CTSO: variants seen among roughly 807,000 people sequenced by gnomAD.
The protein encoded by CTSO is cathepsin O.
In CTSO, 40 loss-of-function variants were observed where a neutral mutation model predicts 42.4. The observed-to-expected ratio is 0.94, with a 90% CI of 0.73 to 1.23. CTSO has a LOEUF of 1.23. CTSO is among the 50% of genes most tolerant of loss of function. The probability of loss-of-function intolerance (pLI) is 0.00; values close to 1 mark genes in which losing one functional copy is unlikely to be tolerated. For synonymous variants in CTSO, 156 were observed against 146.2 expected (o/e 1.07, Z -0.48); for missense variants, 441 against 396.0 (o/e 1.11, Z -0.96).
intron 5 of CTSO, among the ~76,000 whole-genome samples, chr4:155,931,909 T>C (rs940919209): frequency 2.0e-4 from 31 of 151,924 alleles, no homozygotes; most frequent in African/African-American, 7.0e-4. Flanking sequence ...CTAAATTTTA[T>C]TGTCATCAAG....
intron 1 of CTSO, among the ~76,000 whole-genome samples, chr4:155,950,635 G>A (rs1490735233): frequency 6.6e-6 from 1 of 152,108 alleles, no homozygotes; most frequent in Non-Finnish European, 1.5e-5. Flanking sequence ...CGACCAGGCT[G>A]CACAGCAGGT....
At chr4:155,933,387 C>G (rs908999074) in intron 5 of CTSO, among the ~76,000 whole-genome samples, 1 of 152,108 alleles carries the variant, frequency 6.6e-6, no homozygotes, top group Non-Finnish European at 1.5e-5. Flanking sequence ...TTAAACCTTT[C>G]TCTTCCCAGT....
At chr4:155,952,891 T>C (rs1374012870) in intron 1 of CTSO, among the ~76,000 whole-genome samples, 1 of 152,160 alleles carries the variant, frequency 6.6e-6, no homozygotes, top group Non-Finnish European at 1.5e-5. Context: ...GCATCTTTCA[T>C]GAATTTAAAA....
At chr4:155,928,118 T>C (rs1005781027) in intron 7 of CTSO, among the ~76,000 whole-genome samples, 1 of 152,112 alleles carries the variant, frequency 6.6e-6, no homozygotes, top group Admixed American at 6.5e-5. Context: ...TGTTTTGAGA[T>C]ATATATGTAA....
intron 6 of CTSO, among the ~76,000 whole-genome samples, chr4:155,928,890 C>A (rs996754117): frequency 6.6e-6 from 1 of 152,126 alleles, no homozygotes; most frequent in African/African-American, 2.4e-5. Context: ...TGGGAACAGG[C>A]CCCCCAAATC....
At chr4:155,935,956 G>A (rs1201433802) in intron 5 of CTSO, among the ~76,000 whole-genome samples, 1 of 151,962 alleles carries the variant, frequency 6.6e-6, no homozygotes, top group Non-Finnish European at 1.5e-5. Flanking sequence ...CCTTAATTCA[G>A]ACTAATGCCT....
intron 1 of CTSO, among the ~76,000 whole-genome samples, chr4:155,947,920 GT>G (rs1447848040): frequency 6.6e-6 from 1 of 152,168 alleles, no homozygotes; most frequent in African/African-American, 2.4e-5. Flanking sequence ...AAGACGTAAA[GT>G]TTTGATGAAT....
Position 155,925,964 on chromosome 4 carries a change from T to G in CTSO, c.*72A>C. The stretch of plus-strand genomic sequence containing the variant: ...GCTGAAACTTGAAGTTGAATAATAC[T>G]TTGAAGTACTATGTTACATTGCATT... On this transcript the variant is annotated 3_prime_UTR_variant, in exon 8 of 8. Coordinates refer to ENST00000433477, the MANE Select transcript of CTSO (RefSeq NM_001334.3). The G allele has an allele frequency of 7.7e-7, 1 of 1,290,876 alleles. No homozygotes were observed. The allele number at this position is 1,290,876 out of a possible 1,614,324, so 80.0% of individuals were successfully genotyped here.
intron 1 of CTSO, among the ~76,000 whole-genome samples, chr4:155,948,648 A>T (rs1256234182): frequency 6.6e-6 from 1 of 152,222 alleles, no homozygotes; most frequent in African/African-American, 2.4e-5. Context: ...GACCTGAACC[A>T]GTCTCATGAG....
rs34103300 is a variant in CTSO at position 155,940,927 on chromosome 4, TAA to T, written c.384+1388_384+1389del. On this transcript the variant is annotated intron_variant, in intron 3 of 7. Coordinates refer to ENST00000433477, the MANE Select transcript of CTSO (RefSeq NM_001334.3). ...TCAAGCCACAAGGGCAGTTCCTGCT[TAA>T]AAAAAAAAAAAAGTCTCTCATACAT... is the stretch of plus-strand genomic sequence containing the variant. Among the ~76,000 whole-genome samples, 968 of 146,222 alleles carry T rather than the reference TAA, an allele frequency of 6.6e-3. 5 individuals carry two copies. The highest frequency in any genetic ancestry group is 0.02 in the African/African-American group (783 of 39,286).
intron 5 of CTSO, among the ~76,000 whole-genome samples, chr4:155,935,978 GCTT>G (rs558830036): frequency 5.5e-4 from 84 of 151,952 alleles, no homozygotes; most frequent in African/African-American, 1.9e-3. Flanking sequence ...TTATTCTTTT[GCTT>G]CTTCTTAATT....
rs1743090006 is a variant in CTSO at position 155,924,217 on chromosome 4, C to T, written c.*1819G>A. On this transcript the variant is annotated 3_prime_UTR_variant, in exon 8 of 8. Coordinates refer to ENST00000433477, the MANE Select transcript of CTSO (RefSeq NM_001334.3). ...TTAATCAGTTTGAAATTTTAGAAAT[C>T]CTTTAGCACTTGAAAAAGAGTATTA... The T allele has an allele frequency of 6.6e-6, 1 of 152,084 alleles. No individual in the cohort carries two copies. The highest frequency in any genetic ancestry group is 6.6e-5 in the Admixed American group (1 of 15,264). 9.4% of individuals were successfully genotyped at this position (152,084 alleles called of 1,614,324 possible).
At chr4:155,937,677 C>A (rs907854319) in intron 4 of CTSO, among the ~76,000 whole-genome samples, 194 bp from the exon 5 acceptor site, 1 of 151,818 alleles carries the variant, frequency 6.6e-6, no homozygotes, top group African/African-American at 2.4e-5. Context: ...TGCAGTGGCT[C>A]GATCTCGTCT....
chr4:155,939,430 A>G lies in CTSO; in HGVS notation c.493T>C (p.Tyr165His). The G allele has an allele frequency of 6.2e-7, 1 of 1,614,184 alleles. No homozygotes were observed. The highest frequency in any genetic ancestry group is 1.6e-4 in the Middle Eastern group (1 of 6,062). The change falls in exon 4 of 8, where the codon TAT (tyrosine) becomes CAT (histidine). Residue 165 changes from tyrosine (Y) to histidine (H), a missense_variant. Coordinates refer to ENST00000433477, the MANE Select transcript of CTSO (RefSeq NM_001334.3). ...LSVQQVIDCS[Y>H]NNYGCNGGST... ...CCTCCATTGCAGCCATAATTATTAT[A>G]CGAACAGTCAATGACCTGCTGGACA...
intron 4 of CTSO, among the ~76,000 whole-genome samples, chr4:155,938,503 C>T (rs75372172): frequency 0.068 from 10,348 of 152,194 alleles, 500 homozygotes; most frequent in South Asian, 0.17. Flanking sequence ...GTGCTAAGAA[C>T]GCTGAGGGAC....
chr4:155,929,791 A>G (rs894694396), intron 5 of CTSO, 86 bp from the exon 6 acceptor site: 8 of 1,317,868 alleles, frequency 6.1e-6, no homozygotes, highest in Non-Finnish European at 8.2e-6. Flanking sequence ...TATGATTCTG[A>G]GTAGGTTTGG....
intron 3 of CTSO, among the ~76,000 whole-genome samples, chr4:155,940,182 T>C (rs1743403528): frequency 6.6e-6 from 1 of 152,208 alleles, no homozygotes; most frequent in African/African-American, 2.4e-5. Flanking sequence ...ATCATGCTGA[T>C]AGTGGATCTC....
chr4:155,949,158 G>C (rs1743602260), intron 1 of CTSO, among the ~76,000 whole-genome samples: 1 of 152,190 alleles, frequency 6.6e-6, no homozygotes. Flanking sequence ...AATTAACTTA[G>C]CCCTGTATAA....
chr4:155,937,352 A>C lies in CTSO; in HGVS notation c.674+10T>G. ...GTATAAAGAAAAACATAATACAATA[A>C]GATCTTTACCTGAAGTCATATGCAG... On this transcript the variant is annotated intron_variant, in intron 5 of 7. Transcript: ENST00000433477. 4 of 1,592,798 alleles carry C rather than the reference A, an allele frequency of 2.5e-6. No individual in the cohort carries two copies. Among genetic ancestry groups the C allele is most frequent in the Non-Finnish European group, 3.4e-6 (4 of 1,164,248 alleles).
Sources: gnomAD v4.1 joint callset for allele counts (sites outside exome capture counted in the v4.1 genomes callset) on GRCh38, gnomAD v4.1.1 for gene constraint, MANE v1.5 for transcripts, NCBI Gene and HGNC (gene_info 2026-07-23, HGNC 2026-07-21) for gene names.